Variants in ZNF35 observed in about 807,000 individuals in gnomAD.
The protein encoded by ZNF35 is zinc finger protein 35 (clone HF.10).
Under a neutral mutation model 45.9 loss-of-function variants are expected in ZNF35, and 31 were observed. The ratio of observed to expected loss-of-function variants is 0.68; its 90% CI spans 0.51 to 0.91. The LOEUF (loss-of-function observed/expected upper bound fraction) is 0.91, where lower values mean the gene tolerates loss of function less well. Ranked by LOEUF, ZNF35 falls within the 40% of genes least tolerant of loss-of-function variation. The pLI, the probability that ZNF35 is intolerant of heterozygous loss-of-function variation, is 0.00. For synonymous variants in ZNF35, 205 were observed against 220.2 expected (o/e 0.93, Z 0.61); for missense variants, 515 against 625.4 (o/e 0.82, Z 1.88).
In ZNF35 at chr3:44,659,372, A is replaced by C. The variant is rs762558187; in HGVS notation, c.1009A>C (p.Asn337His). The C allele has an allele frequency of 1.9e-6, 3 of 1,613,866 alleles. No homozygotes were observed. Among genetic ancestry groups the C allele is most frequent in the African/African-American group, 2.7e-5 (2 of 74,902 alleles). Reference protein sequence around the residue: ...VHITEKCYECNECGKTFTRSS... With the variant: ...VHITEKCYECHECGKTFTRSS... The stretch of plus-strand genomic sequence containing the variant: ...CATTACGGAAAAATGCTATGAATGT[A>C]ATGAATGTGGGAAAACATTTACTAG... Residue 337 changes from asparagine (N) to histidine (H), a missense_variant, in exon 4 of 4, where the codon AAT becomes CAT. Physicochemically the swap from Asn to His is moderately conservative, Grantham distance 68. Coordinates refer to ENST00000396056, the MANE Select transcript of ZNF35 (RefSeq NM_003420.4). This position sits in a 1 kb window ranked among gnomAD's most constrained non-coding sequence, Gnocchi z 4.3.
At chr3:44,651,556 C>T (rs1035326293) in intron 2 of ZNF35, among the ~76,000 whole-genome samples, 1 of 152,132 alleles carries the variant, frequency 6.6e-6, no homozygotes, top group Non-Finnish European at 1.5e-5. Flanking sequence ...GGTCCAGGCA[C>T]AGTGGCTCAC....
intron 1 of ZNF35, among the ~76,000 whole-genome samples, chr3:44,650,736 G>A (rs1256838027): frequency 6.6e-6 from 1 of 152,170 alleles, no homozygotes; most frequent in Non-Finnish European, 1.5e-5. Context: ...ATATAAAGCT[G>A]TTTGCAATGT....
Position 44,659,539 on chromosome 3 carries a change from TAAAGAGTGTGG to T in ZNF35, c.1177_1187del (p.Lys393GlufsTer4). Reference sequence around the variant, plus strand: ...ATACTGGTGAGAAGCCATATGAGTGTAAAGAGTGTGGGAAAGCCTTTAGTTGTTTTTCACAC... The same window carrying T: ...ATACTGGTGAGAAGCCATATGAGTGTGAAAGCCTTTAGTTGTTTTTCACAC... On this transcript the variant is annotated frameshift_variant, in exon 4 of 4. Coordinates refer to ENST00000396056, the MANE Select transcript of ZNF35 (RefSeq NM_003420.4). LOFTEE classifies it high-confidence loss of function. The surrounding 1 kb of genome is among the most constrained non-coding windows in gnomAD (Gnocchi z 4.3). 1 of 1,614,074 alleles carries T rather than the reference TAAAGAGTGTGG, an allele frequency of 6.2e-7. No homozygotes were observed. The highest frequency in any genetic ancestry group is 8.5e-7 in the Non-Finnish European group (1 of 1,179,990).
At chr3:44,654,019 C>G (rs540912593) in intron 3 of ZNF35, among the ~76,000 whole-genome samples, 1 of 152,322 alleles carries the variant, frequency 6.6e-6, no homozygotes, top group African/African-American at 2.4e-5. Flanking sequence ...TAATTATTCC[C>G]AAACTCTTAG....
chr3:44,659,252 C>A lies in ZNF35; in HGVS notation c.889C>A (p.Gln297Lys), dbSNP rs1559485256. 1.2e-6 allele frequency: 2 copies of A among 1,613,350 alleles called. No individual in the cohort carries two copies. Among genetic ancestry groups the A allele is most frequent in the South Asian group, 1.1e-5 (1 of 90,874 alleles). ...TCAGAGTTCAAATCTGACTGTACAT[C>A]AAAAAATCCACTCCTTAGAAAAAAC... ...FTQSSNLTVHQKIHSLEKTFK... is the reference protein window; with the variant it reads ...FTQSSNLTVHKKIHSLEKTFK... Residue 297 changes from glutamine to lysine, a missense_variant, in exon 4 of 4, where the codon CAA becomes AAA. Gln to Lys is a moderately conservative substitution (Grantham distance 53). Coordinates refer to ENST00000396056, the MANE Select transcript of ZNF35 (RefSeq NM_003420.4). This position sits in a 1 kb window ranked among gnomAD's most constrained non-coding sequence, Gnocchi z 4.3.
At chr3:44,653,342 T>A (rs1172060205) in intron 3 of ZNF35, among the ~76,000 whole-genome samples, 1 of 152,200 alleles carries the variant, frequency 6.6e-6, no homozygotes, top group Non-Finnish European at 1.5e-5. Context: ...CCATACAGGA[T>A]CATTCTCAGG....
chr3:44,659,527 G>A lies in ZNF35; in HGVS notation c.1164G>A (p.Lys388=), dbSNP rs543816855. 16 of 1,613,958 alleles carry A rather than the reference G, an allele frequency of 9.9e-6. No homozygotes were observed. The highest frequency in any genetic ancestry group is 5.3e-5 in the African/African-American group (4 of 74,976). Residue 388 remains lysine (K), a synonymous_variant, in exon 4 of 4, where the codon AAG becomes AAA. Coordinates refer to ENST00000396056, the MANE Select transcript of ZNF35 (RefSeq NM_003420.4). This position sits in a 1 kb window ranked among gnomAD's most constrained non-coding sequence, Gnocchi z 4.3. ...IVHQRSHTGE[K]PYECKECGKA... ...ATCAGCGAAGCCATACTGGTGAGAA[G>A]CCATATGAGTGTAAAGAGTGTGGGA...
At chr3:44,651,568 C>A (rs1341640275) in intron 2 of ZNF35, among the ~76,000 whole-genome samples, 3 of 152,116 alleles carry the variant, frequency 2.0e-5, no homozygotes, top group Non-Finnish European at 4.4e-5. Context: ...GTGGCTCACA[C>A]CTGTAATCCC....
intron 3 of ZNF35, among the ~76,000 whole-genome samples, chr3:44,656,925 G>T (rs544085464): frequency 1.3e-5 from 2 of 152,230 alleles, no homozygotes; most frequent in South Asian, 2.1e-4. Context: ...TCAAACTCCT[G>T]ACCTCAGGTG....
intron 3 of ZNF35, among the ~76,000 whole-genome samples, chr3:44,656,188 A>C (rs1453513382): frequency 6.6e-6 from 1 of 152,138 alleles, no homozygotes; most frequent in Non-Finnish European, 1.5e-5. Context: ...AAAATTCAAA[A>C]TATTTCACAC....
Position 44,660,084 on chromosome 3 carries a change from C to A in ZNF35, c.*137C>A. The A allele has an allele frequency of 1.1e-6, 1 of 910,398 alleles. No homozygotes were observed. Among genetic ancestry groups the A allele is most frequent in the Non-Finnish European group, 1.5e-6 (1 of 645,406 alleles). The allele number at this position is 910,398 out of a possible 1,614,324, so 56.4% of individuals were successfully genotyped here. A position where few individuals can be genotyped will look rare whatever the true frequency, so the allele number is the denominator to read the frequency against. ...AAAGTTATAGTTTTCAGGAATGCAG[C>A]AGAAGACACAAGAAAAGCATTTCAG... On this transcript the variant is annotated 3_prime_UTR_variant, in exon 4 of 4. Transcript: ENST00000396056.
Position 44,651,108 on chromosome 3 carries a change from G to T in ZNF35, c.41G>T (p.Trp14Leu), listed in dbSNP as rs138882409. ...AGAGAAGCCATGGCCCTAGCCCCATGGGGCCCAGTGAAGGTGAAAAAGGAG... is the reference window on the plus strand; with the variant it reads ...AGAGAAGCCATGGCCCTAGCCCCATTGGGCCCAGTGAAGGTGAAAAAGGAG... Reference protein sequence around the residue: ...ELREAMALAPWGPVKVKKEEE... With the variant: ...ELREAMALAPLGPVKVKKEEE... The change falls in exon 2 of 4, where the codon TGG becomes TTG. Residue 14 changes from tryptophan to leucine, a missense_variant. Physicochemically the swap from Trp to Leu is moderately conservative, Grantham distance 61. Around this residue, in one of 3 missense-constraint regions of ZNF35, gnomAD observed 275 missense variants for 295.7 expected, o/e 0.93. Coordinates refer to ENST00000396056, the MANE Select transcript of ZNF35 (RefSeq NM_003420.4). 919 of 1,614,130 alleles carry T rather than the reference G, an allele frequency of 5.7e-4. 3 individuals carry two copies. Among genetic ancestry groups the T allele is most frequent in the Middle Eastern group, 4.3e-3 (26 of 6,044 alleles).
chr3:44,655,543 G>C (rs1460221439), intron 3 of ZNF35, among the ~76,000 whole-genome samples: 1 of 151,922 alleles, frequency 6.6e-6, no homozygotes, highest in Non-Finnish European at 1.5e-5. Context: ...AATTTCTCTA[G>C]AGCTACAGTA....
rs1703195692 is a variant in ZNF35 at position 44,651,190 on chromosome 3, G to T, written c.123G>T (p.Glu41Asp). The T allele has an allele frequency of 6.2e-7, 1 of 1,614,172 alleles. No homozygotes were observed. The highest frequency in any genetic ancestry group is 1.1e-5 in the South Asian group (1 of 91,086). The change falls in exon 2 of 4, where the codon GAG becomes GAT. Residue 41 changes from glutamate to aspartate, a missense_variant. Physicochemically the swap from Glu to Asp is conservative, Grantham distance 45 (BLOSUM62 2). Around this residue, in one of 3 missense-constraint regions of ZNF35, gnomAD observed 275 missense variants for 295.7 expected, o/e 0.93. Transcript: ENST00000396056. ...CATCCAGCCAACAAGTGCACTCCGAGAACATCAAAGTCTGGGCCCCAGTGC... is the reference window on the plus strand; with the variant it reads ...CATCCAGCCAACAAGTGCACTCCGATAACATCAAAGTCTGGGCCCCAGTGC... Reference protein sequence around the residue: ...GQASSQQVHSENIKVWAPVQG... With the variant: ...GQASSQQVHSDNIKVWAPVQG...
chr3:44,646,521 A>C, upstream of ZNF35: 2 of 1,478,458 alleles, frequency 1.4e-6, no homozygotes, highest in East Asian at 2.3e-5. Context: ...CAGAGGAACA[A>C]ATAAAAGACA....
intron 2 of ZNF35, among the ~76,000 whole-genome samples, chr3:44,652,104 A>G (rs1703214587): frequency 6.6e-6 from 1 of 152,172 alleles, no homozygotes; most frequent in African/African-American, 2.4e-5. Flanking sequence ...TTTGCACCAC[A>G]CTTTGATTCA....
chr3:44,657,195 C>G (rs1703324997), intron 3 of ZNF35, among the ~76,000 whole-genome samples: 1 of 152,150 alleles, frequency 6.6e-6, no homozygotes, highest in South Asian at 2.1e-4. Context: ...CATCCTTGTC[C>G]CACCCACTCA....
chr3:44,651,184 C>T lies in ZNF35; in HGVS notation c.117C>T (p.His39=), dbSNP rs1703195516. ...GTCAGGCATCCAGCCAACAAGTGCA[C>T]TCCGAGAACATCAAAGTCTGGGCCC... is the stretch of plus-strand genomic sequence containing the variant. ...FPGQASSQQV[H]SENIKVWAPV... is the part of the protein sequence containing the mutation. The change falls in exon 2 of 4, where the codon CAC becomes CAT. Residue 39 remains histidine (H), a synonymous_variant. Transcript: ENST00000396056. The T allele has an allele frequency of 6.2e-7, 1 of 1,614,164 alleles. No homozygotes were observed. Among genetic ancestry groups the T allele is most frequent in the Middle Eastern group, 1.6e-4 (1 of 6,062 alleles).
intron 2 of ZNF35, among the ~76,000 whole-genome samples, chr3:44,651,968 G>A (rs1417211911): frequency 6.6e-6 from 1 of 152,122 alleles, no homozygotes; most frequent in African/African-American, 2.4e-5. Context: ...GAATCACCTA[G>A]GGGTTCTTGT....
Sources: allele counts gnomAD v4.1 joint callset (sites outside exome capture counted in the v4.1 genomes callset), GRCh38; gene constraint gnomAD v4.1.1; regional missense constraint gnomAD v4.1.1; non-coding constraint Gnocchi (gnomAD v3.1); transcripts MANE v1.5; gene names NCBI Gene and HGNC (gene_info 2026-07-23, HGNC 2026-07-21).